PIK3C2A: variants seen among roughly 807,000 people sequenced by gnomAD.
PIK3C2A encodes the protein phosphatidylinositol 4-phosphate 3-kinase C2 domain-containing subunit alpha.
PIK3C2A carries 97 observed loss-of-function variants against 204.5 expected under a neutral mutation model. That is an observed-to-expected ratio of 0.47 (90% confidence interval 0.40 to 0.56). The LOEUF is 0.56. Ranked by LOEUF, PIK3C2A falls within the 20% of genes least tolerant of loss-of-function variation. The pLI is 0.00. For missense variants in PIK3C2A, 1,735 were observed against 1,969.2 expected, an observed-to-expected ratio of 0.88 and a Z score of 2.25; for synonymous variants, 653 against 664.4, an observed-to-expected ratio of 0.98 and a Z score of 0.26.
intron 20 of PIK3C2A, among the ~76,000 whole-genome samples, chr11:17,113,563 C>T (rs1258220083): frequency 2.6e-5 from 4 of 151,128 alleles, no homozygotes; most frequent in African/African-American, 9.8e-5. Flanking sequence ...TGGTGGCTCA[C>T]CTGAGGTCAG....
Position 17,105,147 on chromosome 11 carries a change from A to G in PIK3C2A, c.3681+22T>C, listed in dbSNP as rs753872205. The G allele has an allele frequency of 3.1e-5, 49 of 1,592,576 alleles. No homozygotes were observed. In the South Asian group the frequency reaches 4.9e-4, roughly 16 times the overall value. On this transcript the variant is annotated intron_variant, in intron 23 of 32. Coordinates refer to ENST00000691414, the MANE Select transcript of PIK3C2A (RefSeq NM_002645.4). ...ACACATTTTTGACAAAGCTTTTTAG[A>G]ATGAGGAGACATGCTAATTACCTTT...
At chr11:17,173,793 G>A (rs574639735) in intron 1 of PIK3C2A, among the ~76,000 whole-genome samples, 1 of 152,086 alleles carries the variant, frequency 6.6e-6, no homozygotes, top group African/African-American at 2.4e-5. Flanking sequence ...TACTGAACAC[G>A]TGGGGTTTGT....
At chr11:17,162,678 T>A (rs544434375) in intron 2 of PIK3C2A, among the ~76,000 whole-genome samples, 1 of 152,226 alleles carries the variant, frequency 6.6e-6, no homozygotes, top group Non-Finnish European at 1.5e-5. Context: ...CCATTTTCTG[T>A]ACATCACTTT....
chr11:17,136,358 G>A (rs543411692), intron 9 of PIK3C2A, 124 bp downstream of exon 9: 86 of 725,304 alleles, frequency 1.2e-4, no homozygotes, highest in Admixed American at 4.3e-4. Flanking sequence ...AACCAAGTAA[G>A]TGATTCAACC....
chr11:17,194,662 C>G (rs1315908389), intron 1 of PIK3C2A, among the ~76,000 whole-genome samples: 1 of 152,178 alleles, frequency 6.6e-6, no homozygotes, highest in African/African-American at 2.4e-5. Context: ...GTAATCCCAG[C>G]ACTTTGAGAG....
At chr11:17,207,340 G>A (rs1031201532) in intron 1 of PIK3C2A, among the ~76,000 whole-genome samples, 7 of 152,226 alleles carry the variant, frequency 4.6e-5, no homozygotes, top group Non-Finnish European at 8.8e-5. Flanking sequence ...GGGGGTCCGG[G>A]AAGAAGAAAA....
At chr11:17,143,191 T>C (rs569670435) in intron 8 of PIK3C2A, among the ~76,000 whole-genome samples, 3 of 152,094 alleles carry the variant, frequency 2.0e-5, no homozygotes, top group South Asian at 2.1e-4. Context: ...AATGTACTTG[T>C]AGATAAAAAT....
chr11:17,174,905 A>AAAAT (rs1565292313), intron 1 of PIK3C2A, among the ~76,000 whole-genome samples: 8 of 151,956 alleles, frequency 5.3e-5, no homozygotes, highest in Admixed American at 1.3e-4. Flanking sequence ...TGTCTCAAAA[A>AAAAT]AAAATAAAAT....
At chr11:17,186,945 G>GGTTCGGGCCTGTAGTTCCAGCTA (rs774887753) in intron 1 of PIK3C2A, among the ~76,000 whole-genome samples, 1 of 152,170 alleles carries the variant, frequency 6.6e-6, no homozygotes, top group Non-Finnish European at 1.5e-5. Context: ...TGGGTGTGGT[G>GGTTCGGGCCTGTAGTTCCAGCTA]GTTCGGGCCT....
At chr11:17,207,673 G>T (rs929775630) in intron 1 of PIK3C2A, among the ~76,000 whole-genome samples, 175 bp downstream of exon 1, 5 of 152,114 alleles carry the variant, frequency 3.3e-5, no homozygotes, top group African/African-American at 9.7e-5. Context: ...CCGGAGGGAG[G>T]GGGGAGTCGG....
At chr11:17,155,842 A>G (rs572253901) in intron 2 of PIK3C2A, among the ~76,000 whole-genome samples, 2 of 152,298 alleles carry the variant, frequency 1.3e-5, no homozygotes, top group African/African-American at 2.4e-5. Flanking sequence ...TACTTGCTCA[A>G]TAGTAGAAAC....
intron 1 of PIK3C2A, among the ~76,000 whole-genome samples, chr11:17,174,229 A>C (rs998797246): frequency 4.6e-5 from 7 of 152,334 alleles, no homozygotes; most frequent in South Asian, 2.1e-4. Flanking sequence ...AAATAAATCA[A>C]GTGTAATCAC....
At chr11:17,117,821 C>A (rs190194345) in intron 18 of PIK3C2A, 150 bp from the exon 19 acceptor site, 17 of 501,962 alleles carry the variant, frequency 3.4e-5, no homozygotes, top group African/African-American at 3.3e-4. Flanking sequence ...TCACGCCATT[C>A]TCCTGCCTCA....
At chr11:17,152,695 T>C (rs1454464582) in intron 3 of PIK3C2A, among the ~76,000 whole-genome samples, 12 of 152,150 alleles carry the variant, frequency 7.9e-5, no homozygotes, top group Non-Finnish European at 1.8e-4. Flanking sequence ...TTAGTGTGGC[T>C]CTACAGTTCA....
intron 12 of PIK3C2A, among the ~76,000 whole-genome samples, chr11:17,131,655 T>C (rs1173014809): frequency 6.6e-6 from 1 of 152,148 alleles, no homozygotes; most frequent in Non-Finnish European, 1.5e-5. Context: ...TCTCCTGACC[T>C]CATGATCCGC....
At chr11:17,105,459 A>G (rs1848780080) in intron 22 of PIK3C2A, among the ~76,000 whole-genome samples, 154 bp from the exon 23 acceptor site, 1 of 152,330 alleles carries the variant, frequency 6.6e-6, no homozygotes, top group South Asian at 2.1e-4. Flanking sequence ...TACATGTGCC[A>G]TGGTGGTTTG....
At chr11:17,159,177 A>T (rs1850699174) in intron 2 of PIK3C2A, among the ~76,000 whole-genome samples, 1 of 152,212 alleles carries the variant, frequency 6.6e-6, no homozygotes, top group African/African-American at 2.4e-5. Context: ...CTTCTGTGGC[A>T]CTCAAGACTT....
At chr11:17,183,942 A>AG (rs1024266934) in intron 1 of PIK3C2A, among the ~76,000 whole-genome samples, 1 of 151,268 alleles carries the variant, frequency 6.6e-6, no homozygotes, top group African/African-American at 2.4e-5. Flanking sequence ...CCTCTTTAAA[A>AG]AAAAAAAAAA....
chr11:17,179,023 C>A (rs1851441360), intron 1 of PIK3C2A, among the ~76,000 whole-genome samples: 4 of 64 alleles, frequency 0.062, no homozygotes, highest in South Asian at 0.5. Context: ...GCCACCGCGC[C>A]CCCGCTGATT....
Sources: gnomAD v4.1 joint callset for allele counts (sites outside exome capture counted in the v4.1 genomes callset) on GRCh38, gnomAD v4.1.1 for gene constraint, MANE v1.5 for transcripts, NCBI Gene and HGNC (gene_info 2026-07-23, HGNC 2026-07-21) for gene names.